DNAL1: variants seen among roughly 807,000 people sequenced by gnomAD.
DNAL1 encodes the protein chromosome 14 open reading frame 168.
A neutral mutation model predicts 29.4 loss-of-function variants in DNAL1; 17 were observed. That is an observed-to-expected ratio of 0.58 (90% CI 0.40 to 0.87). The LOEUF is 0.87. Ranked by LOEUF, DNAL1 falls within the 40% of genes least tolerant of loss-of-function variation. The pLI, the probability that DNAL1 is intolerant of heterozygous loss-of-function variation, is 0.00. For missense variants in DNAL1, 188 were observed against 214.1 expected (o/e 0.88, Z 0.76); for synonymous variants, 78 against 76.3 (o/e 1.02, Z -0.12).
intron 3 of DNAL1, 73 bp from the exon 4 acceptor site, chr14:73,661,914 C>T (rs1891366474): frequency 5.6e-6 from 5 of 899,174 alleles, no homozygotes; most frequent in South Asian, 3.4e-5. Context: ...TTTATGGGCA[C>T]TAGTGTTAAG....
At chr14:73,648,484 A>G (rs1413908848) in intron 1 of DNAL1, among the ~76,000 whole-genome samples, 3 of 143,594 alleles carry the variant, frequency 2.1e-5, no homozygotes, top group Non-Finnish European at 4.5e-5. Context: ...TCTGGAGTGC[A>G]GTGGCCCCAT....
At chr14:73,673,337 T>C (rs1891658655) in intron 5 of DNAL1, among the ~76,000 whole-genome samples, 1 of 152,194 alleles carries the variant, frequency 6.6e-6, no homozygotes, top group South Asian at 2.1e-4. Flanking sequence ...GAATCCCTTA[T>C]AGAATCCCAA....
intron 5 of DNAL1, among the ~76,000 whole-genome samples, chr14:73,683,019 G>A (rs1566889281): frequency 6.6e-6 from 1 of 152,000 alleles, no homozygotes; most frequent in Non-Finnish European, 1.5e-5. Flanking sequence ...TGGGATTAGA[G>A]GCGTGCATCA....
chr14:73,694,895 G>A (rs1158446540), intron 7 of DNAL1, among the ~76,000 whole-genome samples: 4 of 151,856 alleles, frequency 2.6e-5, no homozygotes, highest in Admixed American at 6.6e-5. Context: ...CACCATGTTC[G>A]CCAGGCTGGT....
intron 7 of DNAL1, among the ~76,000 whole-genome samples, chr14:73,690,824 G>C (rs1194710994): frequency 6.6e-6 from 1 of 152,078 alleles, no homozygotes; most frequent in Non-Finnish European, 1.5e-5. Context: ...GTAACACAAA[G>C]GTCACAAATT....
rs1278188854 is a variant in DNAL1 at position 73,696,061 on chromosome 14, G to A, written c.*119G>A. On this transcript the variant is annotated 3_prime_UTR_variant, in exon 8 of 8. Coordinates refer to ENST00000553645, the MANE Select transcript of DNAL1 (RefSeq NM_031427.4). ...GACAAAAGTTTCTTAAGATAAAACA[G>A]ATCACTCATTCTCATCTTTTTTTTT... The A allele has an allele frequency of 3.3e-6, 3 of 921,134 alleles. No individual in the cohort carries two copies. The highest frequency in any genetic ancestry group is 3.0e-5 in the East Asian group (1 of 33,784). The allele number at this position is 921,134 out of a possible 1,614,324, so 57.1% of individuals were successfully genotyped here. A position where few individuals can be genotyped will look rare whatever the true frequency, so the allele number is the denominator to read the frequency against.
chr14:73,671,573 C>G lies in DNAL1; in HGVS notation c.240C>G (p.Asn80Lys). The G allele has an allele frequency of 6.7e-7, 1 of 1,489,318 alleles. No homozygotes were observed. The highest frequency in any genetic ancestry group is 9.0e-7 in the Non-Finnish European group (1 of 1,114,184). 92.3% of individuals were successfully genotyped at this position (1,489,318 alleles called of 1,614,324 possible). A position where few individuals can be genotyped will look rare whatever the true frequency, so the allele number is the denominator to read the frequency against. Reference protein sequence around the residue: ...KNLRILSLGRNNIKNLNGLEA... With the variant: ...KNLRILSLGRKNIKNLNGLEA... ...TGAGGATATTATCTTTAGGAAGAAA[C>G]AACATAAAGAACTTAAATGGACTGG... The change falls in exon 5 of 8, where the codon AAC (asparagine) becomes AAG (lysine). Residue 80 changes from asparagine to lysine, a missense_variant. Coordinates refer to ENST00000553645, the MANE Select transcript of DNAL1 (RefSeq NM_031427.4).
chr14:73,681,618 AAAAAAAAAAAAAAAAATAT>A (rs1566888700), intron 5 of DNAL1, among the ~76,000 whole-genome samples: 3 of 73,650 alleles, frequency 4.1e-5, no homozygotes, highest in Admixed American at 1.5e-4. Context: ...AAAAAAAAAA[AAAAAAAAAAAAAAAAATAT>A]ATATATATAT....
intron 1 of DNAL1, among the ~76,000 whole-genome samples, chr14:73,651,850 T>C (rs1891120655): frequency 6.6e-6 from 1 of 151,822 alleles, no homozygotes; most frequent in African/African-American, 2.4e-5. Context: ...AGAGACGGGG[T>C]TTCACCATGT....
chr14:73,689,474 A>C lies in DNAL1; in HGVS notation c.491A>C (p.Glu164Ala), dbSNP rs972321310. 2.5e-6 allele frequency: 4 copies of C among 1,582,194 alleles called. No homozygotes were observed. The highest frequency in any genetic ancestry group is 3.4e-6 in the Non-Finnish European group (4 of 1,163,810). ...CATTCTGCTGAGAATAACTGGATTGAAGAAGCAACCAAGAGAGTGCCCAAA... is the reference window on the plus strand; with the variant it reads ...CATTCTGCTGAGAATAACTGGATTGCAGAAGCAACCAAGAGAGTGCCCAAA... ...EKHSAENNWI[E>A]EATKRVPKLK... The change falls in exon 7 of 8, where the codon GAA (glutamate) becomes GCA (alanine). Residue 164 changes from glutamate (E) to alanine (A), a missense_variant. Coordinates refer to ENST00000553645, the MANE Select transcript of DNAL1 (RefSeq NM_031427.4).
chr14:73,676,663 G>A (rs181908288), intron 5 of DNAL1, among the ~76,000 whole-genome samples: 225 of 151,048 alleles, frequency 1.5e-3, no homozygotes, highest in African/African-American at 5.4e-3. Context: ...TTATTTCCAG[G>A]TTTTTTTTTC....
rs2140069312 is a variant in DNAL1 at position 73,697,987 on chromosome 14, A to C, written c.*2045A>C. On this transcript the variant is annotated 3_prime_UTR_variant, in exon 8 of 8. Transcript: ENST00000553645. ...TCTTAAAGTTTGCACTTCCTTCAGT[A>C]GGCAAGCTTGAAGCCATGTTGATAT... The C allele has an allele frequency of 6.6e-6, 1 of 152,314 alleles. No homozygotes were observed. The highest frequency in any genetic ancestry group is 2.1e-4 in the South Asian group (1 of 4,828). 9.4% of individuals were successfully genotyped at this position (152,314 alleles called of 1,614,324 possible). A position where few individuals can be genotyped will look rare whatever the true frequency, so the allele number is the denominator to read the frequency against.
intron 2 of DNAL1, among the ~76,000 whole-genome samples, chr14:73,656,942 T>G (rs1308063010): frequency 6.6e-6 from 1 of 151,916 alleles, no homozygotes; most frequent in Non-Finnish European, 1.5e-5. Flanking sequence ...ATTTTATTTT[T>G]CTTTTAATTT....
intron 5 of DNAL1, among the ~76,000 whole-genome samples, chr14:73,676,809 A>G (rs1315793934): frequency 6.6e-6 from 1 of 152,032 alleles, no homozygotes; most frequent in Non-Finnish European, 1.5e-5. Context: ...GGATAGATTT[A>G]TGAAAGTAGA....
At chr14:73,667,907 A>G (rs1225870447) in intron 4 of DNAL1, among the ~76,000 whole-genome samples, 1 of 152,116 alleles carries the variant, frequency 6.6e-6, no homozygotes, top group Non-Finnish European at 1.5e-5. Context: ...AAAGCCTATT[A>G]TTTCCTCTAA....
chr14:73,681,281 C>A (rs1332309409), intron 5 of DNAL1, among the ~76,000 whole-genome samples: 1 of 151,232 alleles, frequency 6.6e-6, no homozygotes, highest in Non-Finnish European at 1.5e-5. Context: ...TTACAGGAGC[C>A]CACCACCATG....
At chr14:73,674,734 G>A (rs1238903519) in intron 5 of DNAL1, among the ~76,000 whole-genome samples, 5 of 152,076 alleles carry the variant, frequency 3.3e-5, no homozygotes, top group Non-Finnish European at 7.4e-5. Flanking sequence ...TAAAGACAGG[G>A]TCCCACTATG....
Position 73,662,041 on chromosome 14 carries a change from A to C in DNAL1, c.207A>C (p.Leu69Phe), listed in dbSNP as rs563174339. Residue 69 changes from leucine to phenylalanine, a missense_variant and splice_region_variant, in exon 4 of 8, where the codon TTA becomes TTC. Leu to Phe is a conservative substitution (Grantham distance 22). Coordinates refer to ENST00000553645, the MANE Select transcript of DNAL1 (RefSeq NM_031427.4). The part of the protein sequence containing the change: ...CIEKIANLNG[L>F]KNLRILSLGR... Reference sequence around the variant, plus strand: ...AAAAAATTGCCAACCTGAATGGCTTAAGTAAGTGATTCACAGTAACAGATG... The same window carrying C: ...AAAAAATTGCCAACCTGAATGGCTTCAGTAAGTGATTCACAGTAACAGATG... 2 of 1,560,042 alleles carry C rather than the reference A, an allele frequency of 1.3e-6. No homozygotes were observed. The highest frequency in any genetic ancestry group is 1.7e-6 in the Non-Finnish European group (2 of 1,150,472).
In DNAL1 at chr14:73,688,559, G is replaced by A. The variant is rs138915221; in HGVS notation, c.392-816G>A. Reference sequence around the variant, plus strand: ...AGTTGCTTTAACCCAGGAGACAGAGGTTGCAGCGAGTGGAGATGAAGCCAT... The same window carrying A: ...AGTTGCTTTAACCCAGGAGACAGAGATTGCAGCGAGTGGAGATGAAGCCAT... On this transcript the variant is annotated intron_variant, in intron 6 of 7. Transcript: ENST00000553645. Among the ~76,000 whole-genome samples, 6 of 152,252 alleles carry A rather than the reference G, an allele frequency of 3.9e-5. 1 individual carries two copies. The highest frequency in any genetic ancestry group is 1.4e-4 in the African/African-American group (6 of 41,538).
Sources: allele counts gnomAD v4.1 joint callset (sites outside exome capture counted in the v4.1 genomes callset), GRCh38; gene constraint gnomAD v4.1.1; transcripts MANE v1.5; gene names NCBI Gene and HGNC (gene_info 2026-07-23, HGNC 2026-07-21).